The following PPP1R9A variants were observed in gnomAD, a reference collection of about 807,000 sequenced individuals.
PPP1R9A encodes the protein neurabin-1.
PPP1R9A carries 59 observed loss-of-function variants against 141.9 expected under a neutral mutation model. The observed-to-expected ratio is 0.42, with a 90% confidence interval of 0.34 to 0.52. The LOEUF (loss-of-function observed/expected upper bound fraction) is 0.52. Among genes scored for constraint, PPP1R9A ranks in the 20% least tolerant of loss-of-function variants. The pLI is 0.10. For synonymous variants in PPP1R9A, 500 were observed against 569.7 expected, an observed-to-expected ratio of 0.88 and a Z score of 1.74; for missense variants, 1,444 against 1,611.9, an observed-to-expected ratio of 0.90 and a Z score of 1.78.
At position 94,972,598 on chromosome 7, in the gene PPP1R9A, A is replaced by T. The variant is rs143132356; in HGVS notation, c.1395+61090A>T. ...TGATTTTGCTAGCATTAGCACAGTG[A>T]CTAGGATACTAACTTATTCCAGCTG... On this transcript the variant is annotated intron_variant, in intron 2 of 19. Coordinates refer to ENST00000433360, the MANE Select transcript of PPP1R9A (RefSeq NM_001166160.2). Among the ~76,000 whole-genome samples, 523 of 152,290 alleles carry T rather than the reference A, an allele frequency of 3.4e-3. 2 individuals carry two copies. The highest frequency in any genetic ancestry group is 0.012 in the African/African-American group (496 of 41,544).
chr7:95,249,704 T>G (rs185637786), intron 9 of PPP1R9A, among the ~76,000 whole-genome samples: 36 of 152,276 alleles, frequency 2.4e-4, no homozygotes, highest in African/African-American at 8.4e-4. Context: ...TGACATTCGT[T>G]GGATATATCA....
chr7:94,992,187 T>G (rs1369997579), intron 2 of PPP1R9A, among the ~76,000 whole-genome samples: 10 of 152,236 alleles, frequency 6.6e-5, no homozygotes, highest in Non-Finnish European at 1.2e-4. Context: ...ATACGCTTCC[T>G]GTCATAATAG....
intron 8 of PPP1R9A, among the ~76,000 whole-genome samples, chr7:95,235,313 T>A (rs1796530027): frequency 6.6e-6 from 1 of 151,844 alleles, no homozygotes; most frequent in Admixed American, 6.6e-5. Flanking sequence ...CTCAAACAAA[T>A]CAGCAAGACA....
intron 2 of PPP1R9A, among the ~76,000 whole-genome samples, chr7:94,981,551 A>T (rs1800113568): frequency 6.6e-6 from 1 of 152,068 alleles, no homozygotes; most frequent in Non-Finnish European, 1.5e-5. Flanking sequence ...TTTTTTTTAA[A>T]AAAAACTTAT....
chr7:95,259,661 T>G (rs1051808220), intron 12 of PPP1R9A, among the ~76,000 whole-genome samples: 1 of 152,162 alleles, frequency 6.6e-6, no homozygotes, highest in Non-Finnish European at 1.5e-5. Flanking sequence ...GAGAGTACAT[T>G]AAGCATTCTC....
intron 2 of PPP1R9A, among the ~76,000 whole-genome samples, chr7:95,107,558 A>T (rs867303530): frequency 2.0e-5 from 3 of 152,144 alleles, no homozygotes; most frequent in African/African-American, 4.8e-5. Context: ...ATAAATAGGA[A>T]TGTTTTTCAG....
intron 4 of PPP1R9A, among the ~76,000 whole-genome samples, chr7:95,140,668 G>A (rs774720378): frequency 3.3e-5 from 5 of 152,108 alleles, no homozygotes; most frequent in African/African-American, 9.7e-5. Flanking sequence ...TGGGATTACC[G>A]GCATGACCCA....
At chr7:95,224,022 C>A (rs144132064) in intron 7 of PPP1R9A, among the ~76,000 whole-genome samples, 1 of 151,946 alleles carries the variant, frequency 6.6e-6, no homozygotes, top group African/African-American at 2.4e-5. Context: ...AAAGCCAAAT[C>A]TGGAATTAGA....
At chr7:94,932,133 T>A (rs554021060) in intron 2 of PPP1R9A, among the ~76,000 whole-genome samples, 51 of 152,328 alleles carry the variant, frequency 3.3e-4, no homozygotes, top group African/African-American at 1.2e-3. Flanking sequence ...ATTGAGCCTT[T>A]CCACCTTAGG....
intron 4 of PPP1R9A, among the ~76,000 whole-genome samples, chr7:95,135,284 C>T (rs963555379): frequency 1.3e-5 from 2 of 152,144 alleles, no homozygotes; most frequent in Admixed American, 6.6e-5. Flanking sequence ...ACTCTCTGTC[C>T]TTTTGCTATA....
At chr7:95,002,768 G>A (rs1451884911) in intron 2 of PPP1R9A, among the ~76,000 whole-genome samples, 1 of 152,136 alleles carries the variant, frequency 6.6e-6, no homozygotes, top group East Asian at 1.9e-4. Context: ...CAGTATAGGT[G>A]TCTAACTTAC....
At chr7:95,046,572 A>G (rs907917755) in intron 2 of PPP1R9A, among the ~76,000 whole-genome samples, 2 of 152,142 alleles carry the variant, frequency 1.3e-5, no homozygotes, top group African/African-American at 4.8e-5. Context: ...TTCTTTCTTA[A>G]TATGCACATT....
intron 2 of PPP1R9A, among the ~76,000 whole-genome samples, chr7:95,067,208 A>C (rs770502925): frequency 2.0e-5 from 3 of 152,200 alleles, no homozygotes; most frequent in Non-Finnish European, 4.4e-5. Flanking sequence ...AAATTCAGGG[A>C]ATTAATAAAT....
chr7:95,051,872 C>T (rs191404704), intron 2 of PPP1R9A, among the ~76,000 whole-genome samples: 1 of 143,052 alleles, frequency 7.0e-6, no homozygotes, highest in Non-Finnish European at 1.5e-5. Flanking sequence ...GACAGAGTCT[C>T]TCTCTCACTC....
At chr7:95,075,382 G>A (rs762949662) in intron 2 of PPP1R9A, among the ~76,000 whole-genome samples, 1 of 152,066 alleles carries the variant, frequency 6.6e-6, no homozygotes, top group South Asian at 2.1e-4. Flanking sequence ...GCCCTCTTAA[G>A]TTCAGAGTCT....
chr7:94,922,998 G>C (rs1793036070), intron 2 of PPP1R9A, among the ~76,000 whole-genome samples: 1 of 152,028 alleles, frequency 6.6e-6, no homozygotes, highest in Non-Finnish European at 1.5e-5. Context: ...AAAAAAATTT[G>C]GTTTAATAGT....
chr7:94,934,882 G>C (rs1467413690), intron 2 of PPP1R9A, among the ~76,000 whole-genome samples: 1 of 151,830 alleles, frequency 6.6e-6, no homozygotes, highest in Admixed American at 6.6e-5. Context: ...TTTAAGAGAT[G>C]TGTTGCCCAG....
chr7:95,219,364 G>T (rs1260140556), intron 7 of PPP1R9A, among the ~76,000 whole-genome samples: 1 of 152,156 alleles, frequency 6.6e-6, no homozygotes, highest in African/African-American at 2.4e-5. Context: ...GTTGCCCTTT[G>T]TGGGTAACCC....
intron 2 of PPP1R9A, among the ~76,000 whole-genome samples, chr7:94,915,820 T>C (rs1792003461): frequency 6.6e-6 from 1 of 152,184 alleles, no homozygotes; most frequent in South Asian, 2.1e-4. Flanking sequence ...CCTGGGTCGA[T>C]GATACACACT....
Sources: gnomAD v4.1 joint callset for allele counts (sites outside exome capture counted in the v4.1 genomes callset) on GRCh38, gnomAD v4.1.1 for gene constraint, MANE v1.5 for transcripts, NCBI Gene and HGNC (gene_info 2026-07-23, HGNC 2026-07-21) for gene names.